Variants in CNTNAP2 observed in about 807,000 individuals in gnomAD.
CNTNAP2 encodes contactin associated protein 2.
A neutral mutation model predicts 155.2 loss-of-function variants in CNTNAP2; 98 were observed. The ratio of observed to expected loss-of-function variants is 0.63; its 90% CI spans 0.54 to 0.75. CNTNAP2 has a LOEUF of 0.75. Among genes scored for constraint, CNTNAP2 ranks in the 30% least tolerant of loss-of-function variants. The pLI, the probability that CNTNAP2 is intolerant of heterozygous loss-of-function variation, is 0.00. For missense variants in CNTNAP2, 1,727 were observed against 1,688.1 expected (o/e 1.02, Z -0.40); for synonymous variants, 651 against 631.2 (o/e 1.03, Z -0.47).
intron 16 of CNTNAP2, among the ~76,000 whole-genome samples, chr7:148,140,011 CA>C (rs1805028259): frequency 6.6e-6 from 1 of 152,210 alleles, no homozygotes; most frequent in African/African-American, 2.4e-5. Flanking sequence ...TAGAAGGACT[CA>C]CAGAATTCAC....
intron 15 of CNTNAP2, among the ~76,000 whole-genome samples, chr7:147,993,819 T>C (rs913297061): frequency 6.6e-6 from 1 of 152,164 alleles, no homozygotes; most frequent in African/African-American, 2.4e-5. Context: ...ACTTCTCCAC[T>C]GCTCCTCTAA....
At chr7:147,963,804 G>C (rs762358660) in intron 14 of CNTNAP2, among the ~76,000 whole-genome samples, 1 of 151,982 alleles carries the variant, frequency 6.6e-6, no homozygotes, top group Non-Finnish European at 1.5e-5. Context: ...GACAGCTTAG[G>C]CATTGTTACA....
At chr7:147,551,969 A>G (rs956684452) in intron 11 of CNTNAP2, among the ~76,000 whole-genome samples, 6 of 152,140 alleles carry the variant, frequency 3.9e-5, no homozygotes, top group Non-Finnish European at 8.8e-5. Flanking sequence ...ATTAACTTAG[A>G]GTGCTTGGCC....
At chr7:147,781,109 G>C (rs2116555081) in intron 13 of CNTNAP2, among the ~76,000 whole-genome samples, 1 of 152,238 alleles carries the variant, frequency 6.6e-6, no homozygotes, top group South Asian at 2.1e-4. Context: ...CTTTTGCCAA[G>C]ATAATGGCAA....
chr7:147,273,918 A>G (rs1203040311), intron 8 of CNTNAP2, among the ~76,000 whole-genome samples: 1 of 148,002 alleles, frequency 6.8e-6, no homozygotes, highest in Non-Finnish European at 1.5e-5. Flanking sequence ...CGTATTTTAT[A>G]TATTTCATAT....
intron 13 of CNTNAP2, among the ~76,000 whole-genome samples, chr7:147,791,297 C>T (rs1228132777): frequency 6.6e-6 from 1 of 152,072 alleles, no homozygotes; most frequent in East Asian, 1.9e-4. Context: ...TCAACTACCT[C>T]CATTGTCCTA....
intron 1 of CNTNAP2, among the ~76,000 whole-genome samples, chr7:146,709,361 G>A (rs772870618): frequency 5.9e-5 from 9 of 152,132 alleles, no homozygotes; most frequent in Non-Finnish European, 1.0e-4. Context: ...CACAATCCAT[G>A]CTAGTGCTGA....
chr7:147,016,361 A>G (rs909985731), intron 3 of CNTNAP2, among the ~76,000 whole-genome samples: 4 of 152,100 alleles, frequency 2.6e-5, no homozygotes, highest in African/African-American at 4.8e-5. Flanking sequence ...AAAGAATTAC[A>G]TGGATTTAAG....
At chr7:147,110,974 T>A (rs1400553377) in intron 5 of CNTNAP2, among the ~76,000 whole-genome samples, 1 of 152,218 alleles carries the variant, frequency 6.6e-6, no homozygotes, top group Non-Finnish European at 1.5e-5. Flanking sequence ...ATGATTGAAC[T>A]AATTTCCCCT....
At chr7:148,084,973 C>T (rs892824243) in intron 15 of CNTNAP2, among the ~76,000 whole-genome samples, 6 of 152,182 alleles carry the variant, frequency 3.9e-5, no homozygotes, top group East Asian at 1.9e-4. Context: ...GTGTTACCCA[C>T]GACAGTCATT....
chr7:147,352,266 A>G (rs552643478), intron 9 of CNTNAP2, among the ~76,000 whole-genome samples: 4 of 152,120 alleles, frequency 2.6e-5, no homozygotes, highest in African/African-American at 9.6e-5. Flanking sequence ...AATGTAACAA[A>G]TAGAAATAAT....
At chr7:147,898,944 C>A (rs1799816424) in intron 13 of CNTNAP2, among the ~76,000 whole-genome samples, 1 of 146,370 alleles carries the variant, frequency 6.8e-6, no homozygotes, top group South Asian at 2.2e-4. Context: ...AAGGTTCATC[C>A]ATGTTGTCAC....
At chr7:146,701,290 C>T (rs1800874114) in intron 1 of CNTNAP2, among the ~76,000 whole-genome samples, 1 of 152,160 alleles carries the variant, frequency 6.6e-6, no homozygotes, top group Non-Finnish European at 1.5e-5. Context: ...AGATGCCCCT[C>T]ATCATGAAAC....
intron 8 of CNTNAP2, among the ~76,000 whole-genome samples, chr7:147,211,319 G>A (rs1017708678): frequency 4.6e-5 from 7 of 151,812 alleles, no homozygotes; most frequent in African/African-American, 1.7e-4. Context: ...TCCAAGGTTG[G>A]GTTCATATAT....
chr7:147,064,984 C>A (rs184951235), intron 4 of CNTNAP2, among the ~76,000 whole-genome samples: 3 of 152,194 alleles, frequency 2.0e-5, no homozygotes, highest in Non-Finnish European at 2.9e-5. Context: ...TATTTAAATG[C>A]CTCTGAAATT....
intron 15 of CNTNAP2, among the ~76,000 whole-genome samples, chr7:148,025,357 C>T (rs1010634088): frequency 1.3e-5 from 2 of 152,174 alleles, no homozygotes; most frequent in African/African-American, 2.4e-5. Flanking sequence ...TGACTCAGTG[C>T]ACAAAGACCA....
intron 10 of CNTNAP2, among the ~76,000 whole-genome samples, chr7:147,419,455 CA>C (rs1171887119): frequency 6.6e-6 from 1 of 151,932 alleles, no homozygotes; most frequent in Admixed American, 6.6e-5. Context: ...TTAAAAAGAA[CA>C]AAAAAATGAG....
intron 15 of CNTNAP2, among the ~76,000 whole-genome samples, chr7:148,068,652 C>T (rs906847489): frequency 3.9e-5 from 6 of 152,182 alleles, no homozygotes; most frequent in African/African-American, 1.4e-4. Flanking sequence ...GTGAGACCAG[C>T]ACAGCCCTTT....
At chr7:146,260,274 G>A (rs1584832881) in intron 1 of CNTNAP2, among the ~76,000 whole-genome samples, 1 of 152,184 alleles carries the variant, frequency 6.6e-6, no homozygotes. Flanking sequence ...CCTCAATTAG[G>A]GCAATGCAGA....
Sources: gnomAD v4.1 joint callset for allele counts (sites outside exome capture counted in the v4.1 genomes callset) on GRCh38, gnomAD v4.1.1 for gene constraint, MANE v1.5 for transcripts, NCBI Gene and HGNC (gene_info 2026-07-23, HGNC 2026-07-21) for gene names.